EIF4E2: variants seen among roughly 807,000 people sequenced by gnomAD.
The protein encoded by EIF4E2 is eukaryotic translation initiation factor 4E family member 2, also known as eukaryotic translation initiation factor 4E type 2.
A neutral mutation model predicts 34.2 loss-of-function variants in EIF4E2; 13 were observed. That is an observed-to-expected ratio of 0.38 (90% CI 0.25 to 0.60). The LOEUF is 0.60. EIF4E2 is among the 20% of genes least tolerant of loss of function. EIF4E2 has a pLI of 0.62. For synonymous variants in EIF4E2, 100 were observed against 106.6 expected (o/e 0.94, Z 0.38); for missense variants, 222 against 315.1 (o/e 0.70, Z 2.24).
At chr2:232,551,005 G>T (rs1692291343) in intron 1 of EIF4E2, 1 of 612,874 alleles carries the variant, frequency 1.6e-6, no homozygotes, top group Non-Finnish European at 2.9e-6. Flanking sequence ...CCGGTAGGGG[G>T]AGATTTTCGG....
At chr2:232,554,888 C>T (rs1475982693) in intron 1 of EIF4E2, among the ~76,000 whole-genome samples, 1 of 152,160 alleles carries the variant, frequency 6.6e-6, no homozygotes, top group African/African-American at 2.4e-5. Flanking sequence ...GAGGAATCTG[C>T]TCATATTTTT....
intron 1 of EIF4E2, among the ~76,000 whole-genome samples, chr2:232,552,973 T>C (rs1483210047): frequency 1.3e-5 from 2 of 152,234 alleles, no homozygotes; most frequent in Non-Finnish European, 2.9e-5. Flanking sequence ...ATCTGCACTT[T>C]TTACCACATT....
At chr2:232,552,673 A>G (rs1391514977) in intron 1 of EIF4E2, among the ~76,000 whole-genome samples, 2 of 90,838 alleles carry the variant, frequency 2.2e-5, no homozygotes, top group Non-Finnish European at 2.2e-5. Context: ...GAGAAAAATT[A>G]AACTTGCCCT....
intron 2 of EIF4E2, chr2:232,557,608 T>C (rs1368664126): frequency 2.9e-6 from 1 of 347,114 alleles, no homozygotes; most frequent in African/African-American, 2.1e-5. Flanking sequence ...GGACTGGGCA[T>C]ATGCTGAGAT....
chr2:232,556,509 T>C lies in EIF4E2; in HGVS notation c.114T>C (p.Asn38=). ...GEKEKTERDK[N]QSSSKRKAVV... ...AGGAAAAAACGGAACGAGACAAGAA[T>C]CAGAGCAGTAGCAAGAGAAAGGTGA... Residue 38 remains asparagine, a synonymous_variant, in exon 2 of 7, where the codon AAT becomes AAC. Transcript: ENST00000258416. 1 of 1,612,722 alleles carries C rather than the reference T, an allele frequency of 6.2e-7. No individual in the cohort carries two copies. Among genetic ancestry groups the C allele is most frequent in the African/African-American group, 1.3e-5 (1 of 75,016 alleles).
chr2:232,556,383 C>T, intron 1 of EIF4E2, 33 bp from the exon 2 acceptor site: 1 of 1,566,300 alleles, frequency 6.4e-7, no homozygotes, highest in Non-Finnish European at 8.8e-7. Context: ...TTGACTTCGT[C>T]ACAGAATTGT....
chr2:232,571,803 G>C, downstream of EIF4E2, among the ~76,000 whole-genome samples: 1 of 152,192 alleles, frequency 6.6e-6, no homozygotes, highest in Admixed American at 6.5e-5. Flanking sequence ...GGTTACCCCA[G>C]CTTAATTGCT....
chr2:232,574,062 G>A (rs13401648), downstream of EIF4E2: 12,670 of 710,356 alleles, frequency 0.018, 169 homozygotes, highest in Middle Eastern at 0.034. Flanking sequence ...AGAAGTGCCC[G>A]CTGGCCCTGA....
intron 6 of EIF4E2, among the ~76,000 whole-genome samples, chr2:232,577,759 A>T (rs1263252246): frequency 2.0e-5 from 3 of 152,136 alleles, no homozygotes; most frequent in African/African-American, 7.2e-5. Flanking sequence ...GCATTGTGGG[A>T]CTGTCAGCTT....
In EIF4E2 at chr2:232,568,251, C is replaced by G. The variant is rs1041621544; in HGVS notation, c.666-694C>G. 6 of 985,386 alleles carry G rather than the reference C, an allele frequency of 6.1e-6. No individual in the cohort carries two copies. The South Asian group carries it at 1.9e-4, about 31-fold the overall frequency. 61.0% of individuals were successfully genotyped at this position (985,386 alleles called of 1,614,324 possible). ...CAGCAGACAGACCATTTGGGAATCT[C>G]TTTCCCATGCATTCATAGATAATGT... On this transcript the variant is annotated intron_variant, in intron 6 of 6. Transcript: ENST00000258416.
downstream of EIF4E2, among the ~76,000 whole-genome samples, chr2:232,572,809 G>T (rs1693124130): frequency 6.6e-6 from 1 of 152,226 alleles, no homozygotes; most frequent in Non-Finnish European, 1.5e-5. Context: ...TTGACAGAGA[G>T]AACTGCTCGG....
intron 3 of EIF4E2, among the ~76,000 whole-genome samples, chr2:232,563,176 G>A (rs752553539): frequency 2.6e-5 from 4 of 152,332 alleles, no homozygotes; most frequent in East Asian, 1.9e-4. Context: ...GGAATGTTCC[G>A]TGTTTTCTCT....
chr2:232,574,455 T>C (rs1474230899), intron 6 of EIF4E2: 3 of 1,112,832 alleles, frequency 2.7e-6, no homozygotes, highest in East Asian at 2.6e-5. Context: ...CAGAGAAAAA[T>C]ATAAGTCCCA....
chr2:232,568,588 T>G lies in EIF4E2; in HGVS notation c.666-357T>G, dbSNP rs948581721. On this transcript the variant is annotated intron_variant, in intron 6 of 6. Transcript: ENST00000258416. ...GTTTCTGAATATCCCCTACTCCCAC[T>G]TACCCCCAAAATAAGCTTTTTACCT... 4.1e-6 allele frequency: 4 copies of G among 985,312 alleles called. No homozygotes were observed. The African/African-American group carries it at 5.2e-5, about 13-fold the overall frequency. 61.0% of individuals were successfully genotyped at this position (985,312 alleles called of 1,614,324 possible).
At chr2:232,568,651 C>G (rs1287813549) in intron 6 of EIF4E2, 2 of 985,214 alleles carry the variant, frequency 2.0e-6, no homozygotes, top group Non-Finnish European at 2.4e-6. Flanking sequence ...CATCAATTCT[C>G]CCCTTCTCTG....
intron 6 of EIF4E2, among the ~76,000 whole-genome samples, chr2:232,577,294 A>G (rs115092197): frequency 6.6e-6 from 1 of 152,180 alleles, no homozygotes; most frequent in Non-Finnish European, 1.5e-5. Context: ...GACCATGTGC[A>G]CTTAGGTCTA....
intron 6 of EIF4E2, among the ~76,000 whole-genome samples, chr2:232,578,585 T>G (rs1042473352): frequency 2.0e-5 from 3 of 151,434 alleles, no homozygotes; most frequent in Non-Finnish European, 4.4e-5. Flanking sequence ...GAGCTGAGAT[T>G]GTGCCACTGC....
intron 4 of EIF4E2, among the ~76,000 whole-genome samples, chr2:232,564,801 C>T (rs562776051): frequency 6.6e-6 from 1 of 152,310 alleles, no homozygotes; most frequent in South Asian, 2.1e-4. Flanking sequence ...TCCAGTATAT[C>T]CTTGGAACCC....
At chr2:232,570,943 A>G (rs1035793087), downstream of EIF4E2, among the ~76,000 whole-genome samples, 2 of 152,228 alleles carry the variant, frequency 1.3e-5, no homozygotes, top group African/African-American at 4.8e-5. Context: ...ATCTCAAAAA[A>G]CAAAGAATTC....
Sources: allele counts gnomAD v4.1 joint callset (sites outside exome capture counted in the v4.1 genomes callset), GRCh38; gene constraint gnomAD v4.1.1; transcripts MANE v1.5; gene names NCBI Gene and HGNC (gene_info 2026-07-23, HGNC 2026-07-21).